Variants in SLC18B1 observed in about 807,000 individuals in gnomAD.
The protein encoded by SLC18B1 is MFS-type transporter SLC18B1.
In SLC18B1, 62 loss-of-function variants were observed where a neutral mutation model predicts 53.9. That is an observed-to-expected ratio of 1.15 (90% CI 0.94 to 1.42). SLC18B1 has a LOEUF of 1.42. Ranked by LOEUF, SLC18B1 falls within the 40% of genes most tolerant of loss-of-function variation. The pLI, the probability that SLC18B1 is intolerant of heterozygous loss-of-function variation, is 0.00. For missense variants in SLC18B1, 598 were observed against 547.3 expected, an observed-to-expected ratio of 1.09 and a Z score of -0.93; for synonymous variants, 217 against 200.9, an observed-to-expected ratio of 1.08 and a Z score of -0.68.
At chr6:132,796,175 C>G (rs9767075) in intron 2 of SLC18B1, among the ~76,000 whole-genome samples, 9 of 149,652 alleles carry the variant, frequency 6.0e-5, no homozygotes, top group Admixed American at 2.7e-4. Context: ...GGTGAAACCC[C>G]GTCTCTACTA....
intron 9 of SLC18B1, 103 bp downstream of exon 9, chr6:132,774,119 T>C: frequency 1.5e-6 from 1 of 656,310 alleles, no homozygotes; most frequent in Non-Finnish European, 2.5e-6. Context: ...ATTATTTAAA[T>C]ATTAATGTTC....
chr6:132,771,835 T>G (rs569993873), intron 11 of SLC18B1, among the ~76,000 whole-genome samples: 47 of 152,318 alleles, frequency 3.1e-4, no homozygotes, highest in African/African-American at 1.1e-3. Flanking sequence ...CTCATGCCTG[T>G]AATCCCAGCA....
chr6:132,796,958 C>A (rs764064393), intron 2 of SLC18B1, 24 bp downstream of exon 2: 1 of 1,603,150 alleles, frequency 6.2e-7, no homozygotes, highest in South Asian at 1.1e-5. Context: ...AAACAGAGGT[C>A]CTAAGGATTT....
chr6:132,784,980 A>C (rs889980381), intron 5 of SLC18B1, among the ~76,000 whole-genome samples: 4 of 151,808 alleles, frequency 2.6e-5, no homozygotes, highest in Non-Finnish European at 5.9e-5. Context: ...TGAATGGTAC[A>C]TATGGTATTG....
chr6:132,770,225 G>C lies in SLC18B1; in HGVS notation c.*45C>G. ...CTTCCTACGGTGATGTTTAAGGCCA[G>C]GAGCATTCATTTCTCAACCTTGTAT... is the stretch of plus-strand genomic sequence containing the variant. On this transcript the variant is annotated 3_prime_UTR_variant, in exon 14 of 14. Coordinates refer to ENST00000275227, the MANE Select transcript of SLC18B1 (RefSeq NM_052831.3). 1.3e-6 allele frequency: 2 copies of C among 1,515,124 alleles called. No homozygotes were observed. The highest frequency in any genetic ancestry group is 1.8e-6 in the Non-Finnish European group (2 of 1,092,118). 93.9% of individuals were successfully genotyped at this position (1,515,124 alleles called of 1,614,324 possible). A position where few individuals can be genotyped will look rare whatever the true frequency, so the allele number is the denominator to read the frequency against.
At chr6:132,771,510 AAATG>A (rs936293687) in intron 11 of SLC18B1, among the ~76,000 whole-genome samples, 5 of 152,110 alleles carry the variant, frequency 3.3e-5, no homozygotes, top group Non-Finnish European at 5.9e-5. Flanking sequence ...AAAAATAAAC[AAATG>A]AATGAATAAA....
At chr6:132,781,301 T>C (rs1264023798) in intron 6 of SLC18B1, among the ~76,000 whole-genome samples, 1 of 151,806 alleles carries the variant, frequency 6.6e-6, no homozygotes, top group Non-Finnish European at 1.5e-5. Flanking sequence ...GGGTATTTGC[T>C]TGAAGGGACA....
At chr6:132,792,261 A>AGAGAG (rs1562271322) in intron 2 of SLC18B1, among the ~76,000 whole-genome samples, 2 of 40,414 alleles carry the variant, frequency 4.9e-5, no homozygotes, top group Non-Finnish European at 9.2e-5. Context: ...GAAAGAAAGA[A>AGAGAG]AGAAAGAAAG....
intron 7 of SLC18B1, among the ~76,000 whole-genome samples, chr6:132,778,105 A>G (rs1044096112): frequency 6.6e-6 from 1 of 152,116 alleles, no homozygotes; most frequent in Non-Finnish European, 1.5e-5. Flanking sequence ...GAGGGACACA[A>G]GGTGCAGGGT....
chr6:132,774,293 C>T lies in SLC18B1; in HGVS notation c.918G>A (p.Leu306=), dbSNP rs746439036. The T allele has an allele frequency of 1.2e-6, 2 of 1,612,656 alleles. No homozygotes were observed. The highest frequency in any genetic ancestry group is 1.7e-4 in the Middle Eastern group (1 of 6,054). Reference sequence around the variant, plus strand: ...CGGCTGTGATTAAGTTGCCAAACACCAGAAGCCATTTCCTTAGAGGCTGGT... The same window carrying T: ...CGGCTGTGATTAAGTTGCCAAACACTAGAAGCCATTTCCTTAGAGGCTGGT... ...DKRPPLRKWL[L]VFGNLITAGC... The change falls in exon 9 of 14, where the codon CTG becomes CTA. Residue 306 remains leucine, a synonymous_variant. Transcript: ENST00000275227.
chr6:132,785,160 C>CAT (rs754770246), intron 5 of SLC18B1, among the ~76,000 whole-genome samples: 5 of 147,592 alleles, frequency 3.4e-5, no homozygotes, highest in Non-Finnish European at 6.0e-5. Flanking sequence ...TCAGTGTGTA[C>CAT]ATATATATAT....
chr6:132,792,288 A>AAGGAAAG (rs1781557457), intron 2 of SLC18B1, among the ~76,000 whole-genome samples: 3 of 39,932 alleles, frequency 7.5e-5, no homozygotes, highest in African/African-American at 2.6e-4. Context: ...AGAAAGGAAG[A>AAGGAAAG]AAGGAAGGAA....
chr6:132,778,536 T>G (rs898998809), intron 7 of SLC18B1, among the ~76,000 whole-genome samples: 9 of 152,232 alleles, frequency 5.9e-5, no homozygotes, highest in Non-Finnish European at 1.2e-4. Context: ...ATTAAGCAAC[T>G]TTGTTGATAT....
intron 6 of SLC18B1, 74 bp downstream of exon 6, chr6:132,783,859 G>T: frequency 8.6e-7 from 1 of 1,159,052 alleles, no homozygotes; most frequent in East Asian, 2.9e-5. Flanking sequence ...AATAATAACT[G>T]GTAAAACTGG....
At chr6:132,790,535 A>C (rs112503703) in intron 2 of SLC18B1, among the ~76,000 whole-genome samples, 63 of 152,338 alleles carry the variant, frequency 4.1e-4, no homozygotes, top group African/African-American at 1.4e-3. Flanking sequence ...AAAAGTCAGA[A>C]TCAGAGTGTA....
At chr6:132,798,371 C>T (rs777157502) in intron 1 of SLC18B1, 43 bp downstream of exon 1, 5 of 1,501,882 alleles carry the variant, frequency 3.3e-6, no homozygotes, top group Non-Finnish European at 2.7e-6. Flanking sequence ...CGCCGGAAGC[C>T]GCCGCTGGTC....
chr6:132,779,280 A>G lies in SLC18B1; in HGVS notation c.783T>C (p.Phe261=), dbSNP rs1468350534. 1 of 1,613,860 alleles carries G rather than the reference A, an allele frequency of 6.2e-7. No homozygotes were observed. Among genetic ancestry groups the G allele is most frequent in the East Asian group, 2.2e-5 (1 of 44,890 alleles). ...TCAGGTAACTTACCTTCTCCAAAAC[A>G]AAGAGAGACAGAGTAGGATCGAGGA... ...FGFLDPTLSL[F]VLEKFNLPAG... Residue 261 remains phenylalanine (F), a synonymous_variant, in exon 7 of 14, where the codon TTT becomes TTC. Coordinates refer to ENST00000275227, the MANE Select transcript of SLC18B1 (RefSeq NM_052831.3).
intron 2 of SLC18B1, among the ~76,000 whole-genome samples, chr6:132,793,901 C>A (rs1036135113): frequency 6.6e-6 from 1 of 152,090 alleles, no homozygotes; most frequent in Admixed American, 6.6e-5. Context: ...GTCATCATTT[C>A]CTATAAGCAC....
At position 132,776,991 on chromosome 6, in the gene SLC18B1, G is replaced by A. The variant is rs572363380; in HGVS notation, c.796-562C>T. On this transcript the variant is annotated intron_variant, in intron 7 of 13. Transcript: ENST00000275227. ...TCCCAGCATTTAGGGAGGTTGAGGC[G>A]GGTGGATCACTTCAGGTCAGGAGTT... Among the ~76,000 whole-genome samples, 5 of 152,058 alleles carry A rather than the reference G, an allele frequency of 3.3e-5. No homozygotes were observed. In the East Asian group the frequency reaches 5.8e-4, roughly 18 times the overall value.
Sources: allele counts gnomAD v4.1 joint callset (sites outside exome capture counted in the v4.1 genomes callset), GRCh38; gene constraint gnomAD v4.1.1; transcripts MANE v1.5; gene names NCBI Gene and HGNC (gene_info 2026-07-23, HGNC 2026-07-21).